PAICS: variants seen among roughly 807,000 people sequenced by gnomAD.
The protein encoded by PAICS is phosphoribosylaminoimidazole carboxylase and phosphoribosylaminoimidazolesuccinocarboxamide synthase.
A neutral mutation model predicts 53.7 loss-of-function variants in PAICS; 33 were observed. The observed-to-expected ratio is 0.61, with a 90% CI of 0.47 to 0.82. The LOEUF is 0.82. PAICS is among the 40% of genes least tolerant of loss of function. The pLI, the probability that PAICS is intolerant of heterozygous loss-of-function variation, is 0.00. For missense variants in PAICS, 394 were observed against 494.1 expected, an observed-to-expected ratio of 0.80 and a Z score of 1.92; for synonymous variants, 141 against 167.2, an observed-to-expected ratio of 0.84 and a Z score of 1.21.
the PAICS span, among the ~76,000 whole-genome samples, chr4:56,428,107 C>A: frequency 6.6e-6 from 1 of 152,204 alleles, no homozygotes; most frequent in African/African-American, 2.4e-5. Flanking sequence ...TGAATATGGA[C>A]ACAAAATTTC....
chr4:56,441,640 C>G (rs373059175), intron 1 of PAICS, 23 bp from the exon 2 acceptor site: 2 of 1,289,464 alleles, frequency 1.6e-6, no homozygotes, highest in African/African-American at 3.0e-5. Flanking sequence ...GAATTTTGGT[C>G]TATTTCCATT....
chr4:56,436,068 C>A, upstream of PAICS: 2 of 1,492,284 alleles, frequency 1.3e-6, no homozygotes, highest in Non-Finnish European at 1.8e-6. Context: ...GGCCCGGAGG[C>A]GGGGTCGCGT....
At chr4:56,450,741 T>C in intron 6 of PAICS, 39 bp downstream of exon 6, 1 of 962,642 alleles carries the variant, frequency 1.0e-6, no homozygotes, top group Non-Finnish European at 1.6e-6. Context: ...ATTATGTGTT[T>C]TTCTTCTAAG....
At chr4:56,457,206 T>A (rs1719257045) in intron 8 of PAICS, among the ~76,000 whole-genome samples, 1 of 152,128 alleles carries the variant, frequency 6.6e-6, no homozygotes, top group South Asian at 2.1e-4. Context: ...ATTGGTGGAT[T>A]GCCTGAGCTC....
upstream of PAICS, chr4:56,431,369 C>G: frequency 1.2e-6 from 1 of 841,650 alleles, no homozygotes; most frequent in Non-Finnish European, 1.4e-6. Context: ...GAGTGCATCT[C>G]TCATTCTCAC....
rs780118124 is a variant in PAICS at position 56,441,721 on chromosome 4, AG to A, written c.76del (p.Asp26ThrfsTer68). On this transcript the variant is annotated frameshift_variant, in exon 2 of 9. Coordinates refer to ENST00000512576, the MANE Select transcript of PAICS (RefSeq NM_001079524.2). LOFTEE classifies it high-confidence loss of function. ...GKTKEVYELL[D>X]SPGKVLLQSK... ...AAACAAAAGAAGTCTACGAATTGTT[AG>A]ACAGTCCAGGAAAAGTCCTCCTGCA... The A allele has an allele frequency of 1.2e-6, 2 of 1,604,470 alleles. No homozygotes were observed. Among genetic ancestry groups the A allele is most frequent in the Non-Finnish European group, 1.7e-6 (2 of 1,174,758 alleles).
intron 8 of PAICS, among the ~76,000 whole-genome samples, chr4:56,455,055 G>A (rs1033257038): frequency 6.6e-6 from 1 of 152,168 alleles, no homozygotes; most frequent in Non-Finnish European, 1.5e-5. Flanking sequence ...CTACTCAGAG[G>A]CTGAGGTAGG....
At chr4:56,419,218 A>G in the PAICS span, among the ~76,000 whole-genome samples, 1 of 152,236 alleles carries the variant, frequency 6.6e-6, no homozygotes, top group Non-Finnish European at 1.5e-5. Flanking sequence ...TACCTATCCT[A>G]TTTCAAAACA....
chr4:56,443,710 C>T (rs1015404110), intron 2 of PAICS, among the ~76,000 whole-genome samples: 3 of 152,138 alleles, frequency 2.0e-5, no homozygotes, highest in Non-Finnish European at 4.4e-5. Context: ...TTACACTCAT[C>T]CCATTATCCA....
chr4:56,435,992 A>T, upstream of PAICS: 1 of 1,522,504 alleles, frequency 6.6e-7, no homozygotes, highest in Non-Finnish European at 8.9e-7. Context: ...GAGCTTCCGC[A>T]GAGTGGGGAG....
rs1416497854 is a variant in PAICS, at chr4:56,463,097, G to A, written c.*3559G>A. 1 of 152,136 alleles carries A rather than the reference G, an allele frequency of 6.6e-6. No individual in the cohort carries two copies. The highest frequency in any genetic ancestry group is 1.5e-5 in the Non-Finnish European group (1 of 68,012). The allele number at this position is 152,136 out of a possible 1,614,324, so 9.4% of individuals were successfully genotyped here. ...GAAAGGGGCAGTGTGATGTGCCACG[G>A]AGCATCCACAACCTGCCATTTCAGC... On this transcript the variant is annotated 3_prime_UTR_variant, in exon 9 of 9. Transcript: ENST00000512576.
rs1329594775 is a variant in PAICS at position 56,462,275 on chromosome 4, C to T, written c.*2737C>T. 2 of 152,138 alleles carry T rather than the reference C, an allele frequency of 1.3e-5. No homozygotes were observed. Among genetic ancestry groups the T allele is most frequent in the African/African-American group, 4.8e-5 (2 of 41,410 alleles). The allele number at this position is 152,138 out of a possible 1,614,324, so 9.4% of individuals were successfully genotyped here. A position where few individuals can be genotyped will look rare whatever the true frequency, so the allele number is the denominator to read the frequency against. On this transcript the variant is annotated 3_prime_UTR_variant, in exon 9 of 9. Transcript: ENST00000512576. ...TAAAGCTGAGTTTTGCCTTGAGGAC[C>T]TCCAAACATGAGAATTGCTAGAGCT...
chr4:56,450,011 G>C (rs1409511488), intron 5 of PAICS, among the ~76,000 whole-genome samples: 1 of 151,460 alleles, frequency 6.6e-6, no homozygotes, highest in Non-Finnish European at 1.5e-5. Context: ...ATGAGATCAT[G>C]TCCTTTGCAG....
At chr4:56,441,947 A>C in intron 2 of PAICS, 87 bp downstream of exon 2, 1 of 883,128 alleles carries the variant, frequency 1.1e-6, no homozygotes, top group Non-Finnish European at 1.7e-6. Context: ...TAATATGAAC[A>C]ACTTGTTTGC....
chr4:56,432,322 G>T, upstream of PAICS, among the ~76,000 whole-genome samples: 1 of 152,172 alleles, frequency 6.6e-6, no homozygotes, highest in Admixed American at 6.5e-5. Flanking sequence ...GAGGCCAGGA[G>T]TTCAAGACCA....
upstream of PAICS, chr4:56,436,135 T>G: frequency 6.8e-7 from 1 of 1,480,346 alleles, no homozygotes; most frequent in Non-Finnish European, 9.0e-7. Flanking sequence ...ATATCCGCGT[T>G]TCAGTCTCCG....
the PAICS span, among the ~76,000 whole-genome samples, chr4:56,429,330 G>T: frequency 6.6e-6 from 1 of 152,028 alleles, no homozygotes; most frequent in Non-Finnish European, 1.5e-5. Context: ...AGTGATTGTT[G>T]CAATTATTGT....
At chr4:56,428,527 C>A in the PAICS span, among the ~76,000 whole-genome samples, 4 of 151,948 alleles carry the variant, frequency 2.6e-5, no homozygotes, top group South Asian at 2.1e-4. Flanking sequence ...AAAATGGCAA[C>A]CCTCCAAGAA....
At position 56,459,511 on chromosome 4, in the gene PAICS, C is replaced by A; in HGVS notation, c.1251C>A (p.Asp417Glu). The A allele has an allele frequency of 6.4e-7, 1 of 1,568,150 alleles. No homozygotes were observed. Among genetic ancestry groups the A allele is most frequent in the Non-Finnish European group, 8.7e-7 (1 of 1,148,626 alleles). Residue 417 changes from aspartate to glutamate, a missense_variant, in exon 9 of 9, where the codon GAC becomes GAA. Asp to Glu is a conservative substitution (Grantham distance 45, BLOSUM62 2). Transcript: ENST00000512576. Reference sequence around the variant, plus strand: ...CATGGATTTCCTTGAAGCAGGCTGACAAGAAAATCAGAGAATGTAATTTAT... The same window carrying A: ...CATGGATTTCCTTGAAGCAGGCTGAAAAGAAAATCAGAGAATGTAATTTAT... The part of the protein sequence containing the change: ...LNTWISLKQA[D>E]KKIRECNL
Sources: allele counts gnomAD v4.1 joint callset (sites outside exome capture counted in the v4.1 genomes callset), GRCh38; gene constraint gnomAD v4.1.1; transcripts MANE v1.5; gene names NCBI Gene and HGNC (gene_info 2026-07-23, HGNC 2026-07-21).